ECT2L: variants seen among roughly 807,000 people sequenced by gnomAD.
ECT2L encodes the protein epithelial cell transforming 2 like, also known as epithelial cell-transforming sequence 2 oncogene-like.
In ECT2L, 126 loss-of-function variants were observed where a neutral mutation model predicts 122.8. The ratio of observed to expected loss-of-function variants is 1.03; its 90% CI spans 0.89 to 1.19. The LOEUF is 1.19. Ranked by LOEUF, ECT2L falls within the 50% of genes most tolerant of loss-of-function variation. The pLI is 0.00. For missense variants in ECT2L, 1,012 were observed against 1,064.1 expected, an observed-to-expected ratio of 0.95 and a Z score of 0.68; for synonymous variants, 385 against 381.8, an observed-to-expected ratio of 1.01 and a Z score of -0.10.
At chr6:138,842,698 G>C (rs1777083650) in intron 5 of ECT2L, among the ~76,000 whole-genome samples, 1 of 151,834 alleles carries the variant, frequency 6.6e-6, no homozygotes, top group South Asian at 2.1e-4. Flanking sequence ...CATGAACCCG[G>C]GAGGCGGAGC....
chr6:138,806,511 CT>C (rs57786220), intron 1 of ECT2L, among the ~76,000 whole-genome samples: 61 of 89,664 alleles, frequency 6.8e-4, no homozygotes, highest in Middle Eastern at 0.011. Flanking sequence ...AAAATTCACG[CT>C]TTTTTTTTTT....
chr6:138,898,950 G>T (rs865906621), intron 20 of ECT2L, among the ~76,000 whole-genome samples: 4 of 152,002 alleles, frequency 2.6e-5, no homozygotes, highest in African/African-American at 9.7e-5. Flanking sequence ...TAATAAAATA[G>T]AACAATTATA....
intron 1 of ECT2L, among the ~76,000 whole-genome samples, chr6:138,805,045 A>C (rs995147090): frequency 1.3e-5 from 2 of 152,178 alleles, no homozygotes; most frequent in African/African-American, 4.8e-5. Context: ...GTCTAACACT[A>C]CAGGGTAGAA....
At chr6:138,838,961 T>C (rs2128387322) in intron 5 of ECT2L, among the ~76,000 whole-genome samples, 1 of 152,312 alleles carries the variant, frequency 6.6e-6, no homozygotes, top group South Asian at 2.1e-4. Context: ...TTTGTATTTT[T>C]AGTAGAGACG....
At chr6:138,882,541 C>T (rs890870979) in intron 15 of ECT2L, among the ~76,000 whole-genome samples, 183 bp from the exon 16 acceptor site, 1 of 152,218 alleles carries the variant, frequency 6.6e-6, no homozygotes, top group Admixed American at 6.5e-5. Context: ...CCAACCTACT[C>T]CTTCACGTCC....
rs764651475 is a variant in ECT2L, at chr6:138,900,965, A to G, written c.2432A>G (p.His811Arg). Residue 811 changes from histidine to arginine, a missense_variant, in exon 21 of 22, where the codon CAT becomes CGT. His to Arg is a conservative substitution (Grantham distance 29). Transcript: ENST00000541398. ...SFSLRLYEHI[H>R]DLSLFLFNDA... ...TAACACAGGCTCTATGAACACATCC[A>G]TGATCTCAGCCTTTTCCTCTTCAAT... 3.1e-6 allele frequency: 5 copies of G among 1,614,100 alleles called. No individual in the cohort carries two copies. Among genetic ancestry groups the G allele is most frequent in the Non-Finnish European group, 4.2e-6 (5 of 1,180,008 alleles).
chr6:138,814,335 G>C (rs1008009793), intron 3 of ECT2L, among the ~76,000 whole-genome samples, 156 bp from the exon 4 acceptor site: 1 of 152,212 alleles, frequency 6.6e-6, no homozygotes, highest in African/African-American at 2.4e-5. Context: ...CCTGAAAGGA[G>C]AGACCTTTCT....
At chr6:138,874,338 CT>C (rs1311219268) in intron 13 of ECT2L, among the ~76,000 whole-genome samples, 1 of 152,118 alleles carries the variant, frequency 6.6e-6, no homozygotes, top group Non-Finnish European at 1.5e-5. Flanking sequence ...GTTACTTCCT[CT>C]GAATTCATCC....
chr6:138,821,754 C>G (rs532001987), intron 4 of ECT2L, among the ~76,000 whole-genome samples: 1 of 152,160 alleles, frequency 6.6e-6, no homozygotes, highest in Non-Finnish European at 1.5e-5. Context: ...GTGAGCAGAG[C>G]GGAAAAGGGC....
rs145142286 is a variant in ECT2L, at chr6:138,840,507, T to C, written c.342+1993T>C. ...TGTGCTGCTAAGTTTTCTTAGTTTT[T>C]GTGCATCTAAAAATATCTATTTCAT... On this transcript the variant is annotated intron_variant, in intron 5 of 21. Coordinates refer to ENST00000541398, the MANE Select transcript of ECT2L (RefSeq NM_001077706.3). Among the ~76,000 whole-genome samples the C allele has an allele frequency of 7.6e-3, 1,157 of 152,374 alleles. 9 individuals are homozygous for C. The highest frequency in any genetic ancestry group is 0.027 in the Middle Eastern group (8 of 294).
rs60379586 is a variant in ECT2L at position 138,899,439 on chromosome 6, T to TTGTGTGTG, written c.2415-1495_2415-1488dup. On this transcript the variant is annotated intron_variant, in intron 20 of 21. Coordinates refer to ENST00000541398, the MANE Select transcript of ECT2L (RefSeq NM_001077706.3). Reference sequence around the variant, plus strand: ...GGCAATAACCTTTCCTGTACATAGATTGTGTGTGTGTGTGTGTGTGTACCT... The same window carrying TTGTGTGTG: ...GGCAATAACCTTTCCTGTACATAGATTGTGTGTGTGTGTGTGTGTGTGTGTGTGTACCT... Among the ~76,000 whole-genome samples the TTGTGTGTG allele has an allele frequency of 9.8e-3, 1,471 of 149,528 alleles. 27 individuals carry two copies. The highest frequency in any genetic ancestry group is 0.034 in the African/African-American group (1,377 of 40,864).
rs767860792 is a variant in ECT2L, at chr6:138,849,394, A to T, written c.1029A>T (p.Ile343=). 9.3e-6 allele frequency: 15 copies of T among 1,613,730 alleles called. No individual in the cohort carries two copies. The highest frequency in any genetic ancestry group is 2.2e-5 in the East Asian group (1 of 44,874). Reference sequence around the variant, plus strand: ...GGCAGAAGGCACAGAGCATCGGAATATTTAGCGATGGAGACAGCAGAGAAA... The same window carrying T: ...GGCAGAAGGCACAGAGCATCGGAATTTTTAGCGATGGAGACAGCAGAGAAA... ...LDGQKAQSIG[I]FSDGDSREIN... The change falls in exon 9 of 22, where the codon ATA becomes ATT. Residue 343 remains isoleucine, a synonymous_variant. Coordinates refer to ENST00000541398, the MANE Select transcript of ECT2L (RefSeq NM_001077706.3).
At chr6:138,888,906 T>C in intron 19 of ECT2L, 37 bp from the exon 20 acceptor site, 1 of 1,166,322 alleles carries the variant, frequency 8.6e-7, no homozygotes, top group Non-Finnish European at 1.2e-6. Flanking sequence ...TTTAAAAAAA[T>C]TTATATGTAC....
intron 4 of ECT2L, among the ~76,000 whole-genome samples, chr6:138,822,043 A>T (rs1419650836): frequency 6.6e-6 from 1 of 152,284 alleles, no homozygotes; most frequent in Non-Finnish European, 1.5e-5. Context: ...GCTTTAAGCC[A>T]CTACATTTGT....
At chr6:138,816,375 A>T (rs1259076661) in intron 4 of ECT2L, among the ~76,000 whole-genome samples, 1 of 152,190 alleles carries the variant, frequency 6.6e-6, no homozygotes, top group African/African-American at 2.4e-5. Flanking sequence ...TAACCTGTTC[A>T]GTGAAAGTAC....
intron 1 of ECT2L, among the ~76,000 whole-genome samples, chr6:138,807,965 C>T (rs1775767537): frequency 6.6e-6 from 1 of 151,998 alleles, no homozygotes; most frequent in Non-Finnish European, 1.5e-5. Context: ...AGTCCAACCA[C>T]TTTGTTCTTT....
chr6:138,861,673 G>A (rs1777838008), intron 10 of ECT2L, among the ~76,000 whole-genome samples: 1 of 152,036 alleles, frequency 6.6e-6, no homozygotes, highest in Non-Finnish European at 1.5e-5. Context: ...CCATTCTGTA[G>A]GTTGCCTGTT....
Position 138,814,561 on chromosome 6 carries a change from T to A in ECT2L, c.137T>A (p.Phe46Tyr). Residue 46 changes from phenylalanine to tyrosine, a missense_variant, in exon 4 of 22, where the codon TTC becomes TAC. Physicochemically the swap from Phe to Tyr is conservative, Grantham distance 22. Coordinates refer to ENST00000541398, the MANE Select transcript of ECT2L (RefSeq NM_001077706.3). Reference protein sequence around the residue: ...DLWTNKQRQEFLFAIFLRCTK... With the variant: ...DLWTNKQRQEYLFAIFLRCTK... ...TGGACTAACAAGCAACGTCAAGAATTCTTATTCGCAATTTTTTTAAGATGC... is the reference window on the plus strand; with the variant it reads ...TGGACTAACAAGCAACGTCAAGAATACTTATTCGCAATTTTTTTAAGATGC... 6.2e-7 allele frequency: 1 copy of A among 1,612,702 alleles called. No homozygotes were observed. The highest frequency in any genetic ancestry group is 8.5e-7 in the Non-Finnish European group (1 of 1,178,990).
intron 12 of ECT2L, among the ~76,000 whole-genome samples, chr6:138,866,006 A>G (rs184399916): frequency 9.2e-5 from 14 of 152,346 alleles, no homozygotes; most frequent in East Asian, 7.7e-4. Flanking sequence ...TGTATGTCCT[A>G]TATCTCTTTA....
Sources: allele counts gnomAD v4.1 joint callset (sites outside exome capture counted in the v4.1 genomes callset), GRCh38; gene constraint gnomAD v4.1.1; transcripts MANE v1.5; gene names NCBI Gene and HGNC (gene_info 2026-07-23, HGNC 2026-07-21).